CLTC: variants seen among roughly 807,000 people sequenced by gnomAD.
CLTC encodes clathrin heavy chain 1.
CLTC carries 16 observed loss-of-function variants against 195.8 expected under a neutral mutation model. The observed-to-expected ratio is 0.08, with a 90% CI of 0.06 to 0.12. The LOEUF is 0.12. CLTC is among the 10% of genes least tolerant of loss of function. CLTC has a pLI of 1.00. For missense variants in CLTC, 796 were observed against 2,027.0 expected, an observed-to-expected ratio of 0.39 and a Z score of 11.66; for synonymous variants, 667 against 689.4, an observed-to-expected ratio of 0.97 and a Z score of 0.51.
Position 59,695,419 on chromosome 17 carries a change from G to A in CLTC, c.*1567G>A. ...GCCTGTAATCCCAGCACTTTGGGAG[G>A]CTGAGGCAGGCGGATTGCTTGAGGC... is the stretch of plus-strand genomic sequence containing the variant. On this transcript the variant is annotated 3_prime_UTR_variant, in exon 32 of 32. Transcript: ENST00000269122. 5.6e-6 allele frequency: 1 copy of A among 178,442 alleles called. No individual in the cohort carries two copies. The highest frequency in any genetic ancestry group is 1.2e-5 in the Non-Finnish European group (1 of 83,184). The allele number at this position is 178,442 out of a possible 1,614,324, so 11.1% of individuals were successfully genotyped here.
Position 59,681,550 on chromosome 17 carries a change from G to C in CLTC, c.3249+72G>C. ...GAGGGTGGGCCTAATTGGTTGCTAC[G>C]GCAATAGAGCAGCAATAAAATACTA... On this transcript the variant is annotated intron_variant, in intron 20 of 31. Transcript: ENST00000269122. This position sits in a 1 kb window ranked among gnomAD's most constrained non-coding sequence, Gnocchi z 5.0. 4.5e-6 allele frequency: 7 copies of C among 1,572,342 alleles called. No individual in the cohort carries two copies. Among genetic ancestry groups the C allele is most frequent in the Non-Finnish European group, 6.1e-6 (7 of 1,148,688 alleles).
In CLTC at chr17:59,685,895, T is replaced by C; in HGVS notation, c.4827+87T>C. On this transcript the variant is annotated intron_variant, in intron 30 of 31. Coordinates refer to ENST00000269122, the MANE Select transcript of CLTC (RefSeq NM_004859.4). The surrounding 1 kb of genome is among the most constrained non-coding windows in gnomAD (Gnocchi z 5.0). ...ATTAATTTTTTTAAATGCTTTTTTC[T>C]TTAGTAGAAGTAAGTCATTTAGTCG... The C allele has an allele frequency of 9.4e-7, 1 of 1,060,994 alleles. No individual in the cohort carries two copies. Among genetic ancestry groups the C allele is most frequent in the Non-Finnish European group, 1.4e-6 (1 of 733,352 alleles). The allele number at this position is 1,060,994 out of a possible 1,614,324, so 65.7% of individuals were successfully genotyped here.
chr17:59,632,913 A>G (rs1598203715), intron 1 of CLTC, among the ~76,000 whole-genome samples: 1 of 152,208 alleles, frequency 6.6e-6, no homozygotes, highest in African/African-American at 2.4e-5. Flanking sequence ...ATCTTAGCAC[A>G]AAATAAGCAA....
In CLTC at chr17:59,666,422, T is replaced by C. The variant is rs905249052; in HGVS notation, c.1783-58T>C. On this transcript the variant is annotated intron_variant, in intron 11 of 31. Coordinates refer to ENST00000269122, the MANE Select transcript of CLTC (RefSeq NM_004859.4). This position sits in a 1 kb window ranked among gnomAD's most constrained non-coding sequence, Gnocchi z 4.9. ...TAAACCTTAATCTGTAATACGGATATTGAATTACTCATGTAAGTGGAGTGG... is the reference window on the plus strand; with the variant it reads ...TAAACCTTAATCTGTAATACGGATACTGAATTACTCATGTAAGTGGAGTGG... 1.9e-5 allele frequency: 30 copies of C among 1,568,688 alleles called. No homozygotes were observed. Among genetic ancestry groups the C allele is most frequent in the Non-Finnish European group, 2.6e-5 (30 of 1,149,632 alleles).
chr17:59,687,129 A>G (rs773325707), intron 30 of CLTC: 6 of 501,166 alleles, frequency 1.2e-5, no homozygotes, highest in Non-Finnish European at 1.5e-5. Context: ...TTTTCCCCCC[A>G]ATAAATTTTC....
intron 1 of CLTC, among the ~76,000 whole-genome samples, chr17:59,635,678 A>G (rs1186341171): frequency 1.3e-5 from 2 of 152,198 alleles, no homozygotes; most frequent in Non-Finnish European, 2.9e-5. Flanking sequence ...GGTATATAGT[A>G]TTGAATTAAA....
intron 28 of CLTC, chr17:59,684,218 TTATCTC>T (rs1334659142): frequency 6.8e-6 from 3 of 442,194 alleles, no homozygotes; most frequent in Non-Finnish European, 1.2e-5. Flanking sequence ...TATGATTACT[TTATCTC>T]TAACATCTAG....
rs190222482 is a variant in CLTC at position 59,650,643 on chromosome 17, A to C, written c.682-560A>C. 7.9e-5 allele frequency among the ~76,000 whole-genome samples: 12 copies of C among 152,186 alleles called. No homozygotes were observed. In the East Asian group the frequency reaches 2.1e-3, roughly 27 times the overall value. Reference sequence around the variant, plus strand: ...TCAGCTGACTTTTAAAAATGCATTTATCTTAAAATAATACAGATTTATAGG... The same window carrying C: ...TCAGCTGACTTTTAAAAATGCATTTCTCTTAAAATAATACAGATTTATAGG... On this transcript the variant is annotated intron_variant, in intron 4 of 31. Transcript: ENST00000269122.
intron 1 of CLTC, among the ~76,000 whole-genome samples, chr17:59,625,847 A>G (rs2031533672): frequency 6.6e-6 from 1 of 152,184 alleles, no homozygotes. Flanking sequence ...ATATTGGACA[A>G]CACAGGTTAA....
chr17:59,691,120 G>A (rs2033287344), intron 31 of CLTC, among the ~76,000 whole-genome samples: 1 of 152,186 alleles, frequency 6.6e-6, no homozygotes, highest in South Asian at 2.1e-4. Context: ...CTGGGGCAGA[G>A]AACTGGGTAG....
At chr17:59,632,828 C>T (rs929488979) in intron 1 of CLTC, among the ~76,000 whole-genome samples, 24 of 152,178 alleles carry the variant, frequency 1.6e-4, no homozygotes, top group African/African-American at 5.6e-4. Context: ...TTTGAACCCC[C>T]AAAGAGCCTC....
intron 9 of CLTC, 133 bp from the exon 10 acceptor site, chr17:59,664,654 G>A (rs1023155112): frequency 2.4e-6 from 2 of 847,318 alleles, no homozygotes; most frequent in Non-Finnish European, 3.4e-6. Context: ...GTCTAACTGG[G>A]CACCTTAAAT....
At position 59,667,855 on chromosome 17, in the gene CLTC, AC is replaced by A. The variant is rs776285288; in HGVS notation, c.2128+879del. Among the ~76,000 whole-genome samples the A allele has an allele frequency of 1.1e-4, 17 of 152,246 alleles. No homozygotes were observed. The South Asian group carries it at 1.2e-3, about 11-fold the overall frequency. On this transcript the variant is annotated intron_variant, in intron 13 of 31. Coordinates refer to ENST00000269122, the MANE Select transcript of CLTC (RefSeq NM_004859.4). ...TTGGGTGTCTAACTTCTGGTCCCCA[AC>A]TGCCTTTCTCTCCTCTCTGTACTAG... is the stretch of plus-strand genomic sequence containing the variant.
At position 59,648,377 on chromosome 17, in the gene CLTC, A is replaced by G. The variant is rs776525513; in HGVS notation, c.657A>G (p.Ala219=). 2.5e-6 allele frequency: 4 copies of G among 1,613,890 alleles called. No individual in the cohort carries two copies. The highest frequency in any genetic ancestry group is 3.4e-6 in the Non-Finnish European group (4 of 1,179,848). The change falls in exon 4 of 32, where the codon GCA becomes GCG. Residue 219 remains alanine (A), a synonymous_variant. Coordinates refer to ENST00000269122, the MANE Select transcript of CLTC (RefSeq NM_004859.4). The surrounding 1 kb of genome is among the most constrained non-coding windows in gnomAD (Gnocchi z 4.5). ...AAGAATCAACGTTATTTTGTTTTGC[A>G]GTTCGGGGCCAAGCTGGAGGGAAGG... is the stretch of plus-strand genomic sequence containing the variant. ...NAEESTLFCF[A]VRGQAGGKLH...
rs754029403 is a variant in CLTC at position 59,651,283 on chromosome 17, A to T, written c.762A>T (p.Pro254=). The T allele has an allele frequency of 6.2e-7, 1 of 1,613,970 alleles. No homozygotes were observed. The highest frequency in any genetic ancestry group is 2.2e-5 in the East Asian group (1 of 44,870). ...AGGCAGTGGATGTCTTCTTTCCTCC[A>T]GAAGCACAAAATGATTTTCCTGTTG... ...PKKAVDVFFP[P]EAQNDFPVAM... The change falls in exon 5 of 32, where the codon CCA becomes CCT. Residue 254 remains proline, a synonymous_variant. Transcript: ENST00000269122.
chr17:59,680,782 T>G, intron 18 of CLTC, 130 bp from the exon 19 acceptor site: 2 of 635,216 alleles, frequency 3.1e-6, no homozygotes, highest in South Asian at 5.1e-5. Context: ...GACCTCTCTA[T>G]GTAAATTTAA....
intron 30 of CLTC, chr17:59,689,040 T>A (rs2033242527): frequency 2.0e-5 from 3 of 152,186 alleles, no homozygotes; most frequent in Admixed American, 2.0e-4. Context: ...AATGGACATT[T>A]CATATGGTAC....
rs2032303555 is a variant in CLTC, at chr17:59,650,520, C to CCA, written c.682-683_682-682insCA. Among the ~76,000 whole-genome samples, 4 of 123,424 alleles carry CCA rather than the reference C, an allele frequency of 3.2e-5. No homozygotes were observed. The South Asian group carries it at 1.0e-3, about 32-fold the overall frequency. 81.0% of individuals were successfully genotyped at this position (123,424 alleles called of 152,430 possible). On this transcript the variant is annotated intron_variant, in intron 4 of 31. Coordinates refer to ENST00000269122, the MANE Select transcript of CLTC (RefSeq NM_004859.4). Reference sequence around the variant, plus strand: ...TTTTTTTTTTTGAGATGGAGTCTTGCTCTGTTGCCCAGGCTGGAATGCAGT... The same window carrying CCA: ...TTTTTTTTTTTGAGATGGAGTCTTGCCATCTGTTGCCCAGGCTGGAATGCAGT...
Position 59,677,196 on chromosome 17 carries a change from C to T in CLTC, c.2796+8C>T, listed in dbSNP as rs1222396607. On this transcript the variant is annotated splice_region_variant and intron_variant, in intron 17 of 31. Transcript: ENST00000269122. Reference sequence around the variant, plus strand: ...GATCTGGAACTTATTAATGTGAGTACTGCTAGCTGAATATGTAGAGAAGCT... The same window carrying T: ...GATCTGGAACTTATTAATGTGAGTATTGCTAGCTGAATATGTAGAGAAGCT... The T allele has an allele frequency of 6.3e-7, 1 of 1,593,720 alleles. No homozygotes were observed. Among genetic ancestry groups the T allele is most frequent in the African/African-American group, 1.3e-5 (1 of 74,536 alleles).
Sources: allele counts gnomAD v4.1 joint callset (sites outside exome capture counted in the v4.1 genomes callset), GRCh38; gene constraint gnomAD v4.1.1; non-coding constraint Gnocchi (gnomAD v3.1); transcripts MANE v1.5; gene names NCBI Gene and HGNC (gene_info 2026-07-23, HGNC 2026-07-21).